Variants in MTUS1 observed in about 807,000 individuals in gnomAD.
The protein encoded by MTUS1 is microtubule-associated tumor suppressor 1.
Under a neutral mutation model 120.8 loss-of-function variants are expected in MTUS1, and 109 were observed. That is an observed-to-expected ratio of 0.90 (90% CI 0.77 to 1.06). The LOEUF (loss-of-function observed/expected upper bound fraction) is 1.06, where lower values mean the gene tolerates loss of function less well. MTUS1 is among the 50% of genes least tolerant of loss of function. The pLI, the probability that MTUS1 is intolerant of heterozygous loss-of-function variation, is 0.00. For missense variants in MTUS1, 2,210 were observed against 1,486.3 expected, an observed-to-expected ratio of 1.49 and a Z score of -8.01; for synonymous variants, 737 against 550.5, an observed-to-expected ratio of 1.34 and a Z score of -4.74.
At chr8:17,789,189 C>T (rs2051560166) in intron 1 of MTUS1, among the ~76,000 whole-genome samples, 1 of 152,102 alleles carries the variant, frequency 6.6e-6, no homozygotes, top group African/African-American at 2.4e-5. Flanking sequence ...TGAGCCACCT[C>T]ACCTGGCTAC....
At chr8:17,784,102 G>GTATT (rs60337637) in intron 1 of MTUS1, among the ~76,000 whole-genome samples, 124,726 of 151,722 alleles carry the variant, frequency 0.82, 51,636 homozygotes, top group Non-Finnish European at 0.85. Flanking sequence ...TCTTCATAAA[G>GTATT]TAATCATAAG....
intron 1 of MTUS1, among the ~76,000 whole-genome samples, chr8:17,777,820 A>T (rs888704006): frequency 2.4e-4 from 37 of 152,316 alleles, no homozygotes; most frequent in African/African-American, 8.9e-4. Flanking sequence ...TTTTCAGTAT[A>T]TTTTCCACAT....
rs185100333 is a variant in MTUS1 at position 17,654,750 on chromosome 8, G to A, written c.3109-84C>T. 223 of 915,422 alleles carry A rather than the reference G, an allele frequency of 2.4e-4. 1 individual carries two copies. The highest frequency in any genetic ancestry group is 2.1e-3 in the African/African-American group (129 of 61,142). The allele number at this position is 915,422 out of a possible 1,614,324, so 56.7% of individuals were successfully genotyped here. On this transcript the variant is annotated intron_variant, in intron 9 of 14. Coordinates refer to ENST00000693296, the MANE Select transcript of MTUS1 (RefSeq NM_001363059.2). ...ACGCAAAGCAACCACATTAGGAGAC[G>A]TCACAGCTTCACAGGTAAGCGTGGG...
intron 3 of MTUS1, among the ~76,000 whole-genome samples, chr8:17,727,569 A>G (rs930240966): frequency 1.1e-4 from 16 of 152,252 alleles, no homozygotes; most frequent in African/African-American, 3.9e-4. Flanking sequence ...AGTTGGCAAT[A>G]CTAAAACATA....
At chr8:17,789,039 T>G (rs1271294823) in intron 1 of MTUS1, among the ~76,000 whole-genome samples, 8 of 150,990 alleles carry the variant, frequency 5.3e-5, no homozygotes, top group Non-Finnish European at 8.8e-5. Context: ...TAGTTGTCTT[T>G]TTTTTTTTTT....
chr8:17,713,010 A>C (rs1483736106), intron 6 of MTUS1, among the ~76,000 whole-genome samples: 1 of 152,218 alleles, frequency 6.6e-6, no homozygotes, highest in African/African-American at 2.4e-5. Context: ...TCTATTAGTA[A>C]TACAATGTCC....
At position 17,644,889 on chromosome 8, in the gene MTUS1, T is replaced by G. The variant is rs549170087; in HGVS notation, c.*1037A>C. 6.6e-6 allele frequency: 1 copy of G among 151,940 alleles called. No homozygotes were observed. The highest frequency in any genetic ancestry group is 1.5e-5 in the Non-Finnish European group (1 of 67,986). The allele number at this position is 151,940 out of a possible 1,614,324, so 9.4% of individuals were successfully genotyped here. A position where few individuals can be genotyped will look rare whatever the true frequency, so the allele number is the denominator to read the frequency against. On this transcript the variant is annotated 3_prime_UTR_variant, in exon 15 of 15. Transcript: ENST00000693296. ...CCTTTATCCTTGTCCCAGAGAAAAG[T>G]AGGTAGGAGGTAGAAGGTTTGCTTT...
Position 17,675,116 on chromosome 8 carries a change from C to T in MTUS1, c.2905+70G>A. On this transcript the variant is annotated intron_variant, in intron 8 of 14. Coordinates refer to ENST00000693296, the MANE Select transcript of MTUS1 (RefSeq NM_001363059.2). ...CATGCAACTCCAGCCACAACGCAGACAGGACAACCACATTTTCCAGTGTTC... is the reference window on the plus strand; with the variant it reads ...CATGCAACTCCAGCCACAACGCAGATAGGACAACCACATTTTCCAGTGTTC... 5 of 1,603,890 alleles carry T rather than the reference C, an allele frequency of 3.1e-6. 1 individual carries two copies. In the South Asian group the frequency reaches 4.4e-5, roughly 14 times the overall value.
intron 2 of MTUS1, chr8:17,747,977 G>A (rs191621585): frequency 1.4e-4 from 21 of 152,210 alleles, no homozygotes; most frequent in African/African-American, 4.1e-4. Context: ...ACTATTATGA[G>A]AACAGCATGG....
In MTUS1 at chr8:17,752,177, A is replaced by C. The variant is rs572608627; in HGVS notation, c.2091+1540T>G. On this transcript the variant is annotated intron_variant, in intron 2 of 14. Coordinates refer to ENST00000693296, the MANE Select transcript of MTUS1 (RefSeq NM_001363059.2). The stretch of plus-strand genomic sequence containing the variant: ...CAAATCAGGAAAACTTTTAGTTTCA[A>C]AATTACACAACCAATTTAAATTCAA... 1.2e-3 allele frequency among the ~76,000 whole-genome samples: 185 copies of C among 150,914 alleles called. 1 individual carries two copies. The highest frequency in any genetic ancestry group is 4.3e-3 in the African/African-American group (179 of 41,312).
At chr8:17,719,442 G>A (rs900986589) in intron 4 of MTUS1, among the ~76,000 whole-genome samples, 8 of 152,124 alleles carry the variant, frequency 5.3e-5, no homozygotes, top group Non-Finnish European at 1.0e-4. Context: ...ATAATAACAA[G>A]AATGTCTCAC....
In MTUS1 at chr8:17,675,041, A is replaced by T. The variant is rs1214029036; in HGVS notation, c.2905+145T>A. 4 of 1,454,358 alleles carry T rather than the reference A, an allele frequency of 2.8e-6. No individual in the cohort carries two copies. The Admixed American group carries it at 1.0e-4, about 37-fold the overall frequency. The allele number at this position is 1,454,358 out of a possible 1,614,324, so 90.1% of individuals were successfully genotyped here. The stretch of plus-strand genomic sequence containing the variant: ...CTGCCAAGATTCAAAAGAAATGTCG[A>T]TAGTAAGTGTTTGCCCAGATACTAG... On this transcript the variant is annotated intron_variant, in intron 8 of 14. Coordinates refer to ENST00000693296, the MANE Select transcript of MTUS1 (RefSeq NM_001363059.2).
intron 8 of MTUS1, among the ~76,000 whole-genome samples, chr8:17,657,111 A>G (rs1178125043): frequency 1.3e-5 from 2 of 151,424 alleles, no homozygotes; most frequent in Non-Finnish European, 2.9e-5. Context: ...CTTGTAGTTA[A>G]TTTGAGTTGA....
At chr8:17,794,899 G>C (rs2052095977) in intron 1 of MTUS1, among the ~76,000 whole-genome samples, 2 of 152,112 alleles carry the variant, frequency 1.3e-5, no homozygotes, top group Non-Finnish European at 2.9e-5. Context: ...AGCTAGCCAA[G>C]GGAGCTATGT....
Position 17,755,955 on chromosome 8 carries a change from T to C in MTUS1, c.-148A>G. 1 of 1,423,364 alleles carries C rather than the reference T, an allele frequency of 7.0e-7. No homozygotes were observed. 88.2% of individuals were successfully genotyped at this position (1,423,364 alleles called of 1,614,324 possible). ...GATGCTCTGAAGATTAAATGATTTG[T>C]TGTTCCCTGGAAGAAATAAAATGTT... On this transcript the variant is annotated 5_prime_UTR_variant, in exon 2 of 15. Transcript: ENST00000693296.
chr8:17,731,166 A>C (rs2046548892), intron 3 of MTUS1, among the ~76,000 whole-genome samples: 2 of 152,206 alleles, frequency 1.3e-5, no homozygotes, highest in South Asian at 4.1e-4. Context: ...AAATCAGCAA[A>C]AACATACTTA....
In MTUS1 at chr8:17,674,493, C is replaced by T. The variant is rs192390849; in HGVS notation, c.2905+693G>A. 42 of 985,020 alleles carry T rather than the reference C, an allele frequency of 4.3e-5. No homozygotes were observed. The African/African-American group carries it at 7.0e-4, about 16-fold the overall frequency. The allele number at this position is 985,020 out of a possible 1,614,324, so 61.0% of individuals were successfully genotyped here. A position where few individuals can be genotyped will look rare whatever the true frequency, so the allele number is the denominator to read the frequency against. ...GGCAGTGTCGTGTCTGTTCCATGAA[C>T]CCTAAGGGCTTCCAGGAGAGAATGG... On this transcript the variant is annotated intron_variant, in intron 8 of 14. Transcript: ENST00000693296.
intron 6 of MTUS1, among the ~76,000 whole-genome samples, chr8:17,711,338 G>C (rs1297061577): frequency 3.3e-5 from 5 of 152,196 alleles, no homozygotes; most frequent in Non-Finnish European, 4.4e-5. Context: ...ATCCCAGCTA[G>C]ATCTTCTGGA....
At chr8:17,775,607 C>G (rs182592722) in intron 1 of MTUS1, among the ~76,000 whole-genome samples, 4 of 152,338 alleles carry the variant, frequency 2.6e-5, no homozygotes, top group South Asian at 2.1e-4. Flanking sequence ...AATTCTCACT[C>G]TATTAACTTA....
Sources: gnomAD v4.1 joint callset for allele counts (sites outside exome capture counted in the v4.1 genomes callset) on GRCh38, gnomAD v4.1.1 for gene constraint, MANE v1.5 for transcripts, NCBI Gene and HGNC (gene_info 2026-07-23, HGNC 2026-07-21) for gene names.